MORN1: variants seen among roughly 807,000 people sequenced by gnomAD.
MORN1 encodes MORN repeat-containing protein 1.
Under a neutral mutation model 61.9 loss-of-function variants are expected in MORN1, and 67 were observed. That is an observed-to-expected ratio of 1.08 (90% confidence interval 0.89 to 1.33). The LOEUF is 1.33. Among genes scored for constraint, MORN1 ranks in the 40% most tolerant of loss-of-function variants. MORN1 has a pLI of 0.00. For missense variants in MORN1, 752 were observed against 691.2 expected, an observed-to-expected ratio of 1.09 and a Z score of -0.99; for synonymous variants, 301 against 292.0, an observed-to-expected ratio of 1.03 and a Z score of -0.31.
At position 2,372,172 on chromosome 1, in the gene MORN1, G is replaced by A. The variant is rs114055070; in HGVS notation, c.745+309C>T. The A allele has an allele frequency of 2.5e-3, 687 of 274,284 alleles. 8 individuals are homozygous for A. Among genetic ancestry groups the A allele is most frequent in the African/African-American group, 0.014 (620 of 45,382 alleles). The allele number at this position is 274,284 out of a possible 1,614,324, so 17.0% of individuals were successfully genotyped here. Reference sequence around the variant, plus strand: ...AGGACACTCTGACACACGTGCACGCGTGCCCCCCCACACGTATACACATTC... The same window carrying A: ...AGGACACTCTGACACACGTGCACGCATGCCCCCCCACACGTATACACATTC... On this transcript the variant is annotated intron_variant, in intron 8 of 13. Transcript: ENST00000378531. The surrounding 1 kb of genome is among the most constrained non-coding windows in gnomAD (Gnocchi z 5.4).
intron 12 of MORN1, among the ~76,000 whole-genome samples, chr1:2,327,467 AAC>A (rs796468025): frequency 1.3e-5 from 2 of 151,052 alleles, no homozygotes; most frequent in African/African-American, 4.9e-5. Flanking sequence ...CAAACACAGA[AAC>A]ACAGAAACAC....
chr1:2,355,387 A>G, intron 10 of MORN1: 1 of 1,548,384 alleles, frequency 6.5e-7, no homozygotes, highest in African/African-American at 1.4e-5. Context: ...TTATATGATG[A>G]ATGACGCCTG....
rs1019763238 is a variant in MORN1 at position 2,322,048 on chromosome 1, T to G, written c.1298-469A>C. ...ACCCTCTGAAGGCTGGTGTGTCTGG[T>G]TTGCTTTTGAAGCCCCGCCCTGGCC... On this transcript the variant is annotated intron_variant, in intron 13 of 13. Transcript: ENST00000378531. The G allele has an allele frequency of 7.1e-6, 7 of 985,156 alleles. No individual in the cohort carries two copies. In the African/African-American group the frequency reaches 1.2e-4, roughly 17 times the overall value. The allele number at this position is 985,156 out of a possible 1,614,324, so 61.0% of individuals were successfully genotyped here.
chr1:2,386,148 C>G, intron 4 of MORN1: 1 of 511,908 alleles, frequency 2.0e-6, no homozygotes, highest in Non-Finnish European at 3.6e-6. Context: ...GACAGGGCAG[C>G]AAAAATGGCC....
intron 12 of MORN1, among the ~76,000 whole-genome samples, chr1:2,333,351 C>T (rs1641199570): frequency 1.3e-5 from 2 of 152,202 alleles, no homozygotes; most frequent in African/African-American, 4.8e-5. Context: ...CCCGAAGCCT[C>T]CTCCCCATTA....
intron 10 of MORN1, among the ~76,000 whole-genome samples, chr1:2,340,352 C>G (rs1403983312): frequency 6.6e-6 from 1 of 152,168 alleles, no homozygotes; most frequent in South Asian, 2.1e-4. Flanking sequence ...CCACTCCCTG[C>G]AGACACCAGA....
intron 12 of MORN1, among the ~76,000 whole-genome samples, chr1:2,325,146 C>CCCTTCCTT (rs1640988303): frequency 5.2e-5 from 1 of 19,412 alleles, no homozygotes; most frequent in Admixed American, 4.6e-4. Flanking sequence ...CTCCCTCCCT[C>CCCTTCCTT]CCTTCCTTCC....
At chr1:2,339,762 C>T (rs758591696) in intron 10 of MORN1, among the ~76,000 whole-genome samples, 3 of 152,184 alleles carry the variant, frequency 2.0e-5, no homozygotes, top group South Asian at 2.1e-4. Context: ...CAGGTCAGTC[C>T]CTCCCTTGCC....
chr1:2,381,330 A>G (rs970697319), intron 6 of MORN1, among the ~76,000 whole-genome samples: 5 of 152,208 alleles, frequency 3.3e-5, no homozygotes, highest in Non-Finnish European at 7.3e-5. Flanking sequence ...TGCCTGGAGA[A>G]GGCGCTGGAG....
chr1:2,363,856 A>C (rs1171033703), intron 8 of MORN1, among the ~76,000 whole-genome samples: 5 of 151,176 alleles, frequency 3.3e-5, no homozygotes, highest in African/African-American at 1.2e-4. Flanking sequence ...AAATGGAATC[A>C]TAAAAAATGC....
At chr1:2,358,485 C>T in intron 9 of MORN1, 107 bp downstream of exon 9, 2 of 1,428,702 alleles carry the variant, frequency 1.4e-6, no homozygotes, top group Non-Finnish European at 1.9e-6. Flanking sequence ...TTTGTCATAA[C>T]CAGGACTTAG....
At position 2,321,265 on chromosome 1, in the gene MORN1, A is replaced by G. The variant is rs1640872978; in HGVS notation, c.*118T>C. The G allele has an allele frequency of 1.3e-6, 1 of 786,660 alleles. No individual in the cohort carries two copies. The highest frequency in any genetic ancestry group is 1.8e-5 in the African/African-American group (1 of 55,628). 48.7% of individuals were successfully genotyped at this position (786,660 alleles called of 1,614,324 possible). ...GCAGTGCCCTCCATAGCCGCCACTGAGCATTTTATTCAAGCCAGCAACCAC... is the reference window on the plus strand; with the variant it reads ...GCAGTGCCCTCCATAGCCGCCACTGGGCATTTTATTCAAGCCAGCAACCAC... On this transcript the variant is annotated 3_prime_UTR_variant, in exon 14 of 14. Transcript: ENST00000378531.
chr1:2,365,708 CA>C (rs1168067228), intron 8 of MORN1, among the ~76,000 whole-genome samples: 1 of 151,950 alleles, frequency 6.6e-6, no homozygotes, highest in African/African-American at 2.4e-5. Flanking sequence ...CATAGGCAGC[CA>C]AAAAACACAT....
intron 12 of MORN1, among the ~76,000 whole-genome samples, chr1:2,330,340 C>T (rs1482420101): frequency 1.3e-5 from 2 of 152,250 alleles, no homozygotes; most frequent in Non-Finnish European, 2.9e-5. Context: ...TGGCTGCTGG[C>T]TCCAAGGCCA....
intron 12 of MORN1, among the ~76,000 whole-genome samples, chr1:2,329,511 C>T (rs557757398): frequency 1.3e-5 from 2 of 152,304 alleles, no homozygotes; most frequent in East Asian, 1.9e-4. Flanking sequence ...CCCCCGCCTG[C>T]GGGACACCAA....
chr1:2,389,830 G>C, intron 2 of MORN1, 95 bp downstream of exon 2: 2 of 1,092,660 alleles, frequency 1.8e-6, no homozygotes, highest in Non-Finnish European at 2.8e-6. Context: ...GAAAGCTACA[G>C]GAAATGCCAC....
At chr1:2,327,825 T>C (rs1641069561) in intron 12 of MORN1, among the ~76,000 whole-genome samples, 1 of 152,268 alleles carries the variant, frequency 6.6e-6, no homozygotes, top group Admixed American at 6.5e-5. Flanking sequence ...ATTGGCCGAA[T>C]TGGCCGCCCT....
At chr1:2,388,074 C>T in intron 3 of MORN1, 165 bp downstream of exon 3, 1 of 590,990 alleles carries the variant, frequency 1.7e-6, no homozygotes, top group Non-Finnish European at 3.0e-6. Flanking sequence ...CAGCGGTGAC[C>T]ACAGAGCCTC....
At chr1:2,327,033 C>T (rs1168692546) in intron 12 of MORN1, among the ~76,000 whole-genome samples, 4 of 151,982 alleles carry the variant, frequency 2.6e-5, no homozygotes, top group South Asian at 2.1e-4. Context: ...AAGACAGAAA[C>T]GAAGACAGAA....
Sources: gnomAD v4.1 joint callset for allele counts (sites outside exome capture counted in the v4.1 genomes callset) on GRCh38, gnomAD v4.1.1 for gene constraint, Gnocchi (gnomAD v3.1) non-coding constraint, MANE v1.5 for transcripts, NCBI Gene and HGNC (gene_info 2026-07-23, HGNC 2026-07-21) for gene names.